The following EYA4 variants were observed in gnomAD, a reference collection of about 807,000 sequenced individuals.
EYA4 encodes protein phosphatase EYA4.
In EYA4, 31 loss-of-function variants were observed where a neutral mutation model predicts 87.9. The ratio of observed to expected loss-of-function variants is 0.35; its 90% CI spans 0.27 to 0.48. The LOEUF (loss-of-function observed/expected upper bound fraction) is 0.48. Ranked by LOEUF, EYA4 falls within the 20% of genes least tolerant of loss-of-function variation. The probability of loss-of-function intolerance (pLI) is 0.99; values close to 1 mark genes in which losing one functional copy is unlikely to be tolerated. For missense variants in EYA4, 678 were observed against 761.4 expected (o/e 0.89, Z 1.29); for synonymous variants, 263 against 270.6 (o/e 0.97, Z 0.28).
At chr6:133,440,538 A>G (rs1446244273) in intron 3 of EYA4, among the ~76,000 whole-genome samples, 3 of 152,230 alleles carry the variant, frequency 2.0e-5, no homozygotes, top group African/African-American at 7.2e-5. Context: ...GAAGGTAAAA[A>G]TAATATAACA....
At chr6:133,515,579 C>A in intron 17 of EYA4, 144 bp downstream of exon 17, 1 of 652,270 alleles carries the variant, frequency 1.5e-6, no homozygotes, top group South Asian at 1.6e-5. Context: ...TTTTCAATTT[C>A]AGTGCATGTG....
At chr6:133,385,066 G>A (rs1422198743) in intron 3 of EYA4, among the ~76,000 whole-genome samples, 7 of 151,870 alleles carry the variant, frequency 4.6e-5, no homozygotes, top group South Asian at 2.1e-4. Flanking sequence ...TTGGGAGGCC[G>A]AGGCGGGCAG....
At chr6:133,298,966 C>T (rs1048399075) in intron 2 of EYA4, among the ~76,000 whole-genome samples, 11 of 152,160 alleles carry the variant, frequency 7.2e-5, no homozygotes, top group Non-Finnish European at 1.5e-4. Context: ...GAGTCTCTGC[C>T]TTGAAGAAGC....
intron 3 of EYA4, among the ~76,000 whole-genome samples, chr6:133,396,072 T>A (rs1787769725): frequency 6.6e-6 from 1 of 152,198 alleles, no homozygotes; most frequent in South Asian, 2.1e-4. Flanking sequence ...ACCATGGGCA[T>A]TGCACTTTTA....
chr6:133,511,602 C>T (rs770333555), intron 14 of EYA4: 6 of 151,984 alleles, frequency 3.9e-5, no homozygotes, highest in Non-Finnish European at 8.8e-5. Flanking sequence ...TGGACTAAGA[C>T]TCAGAACAGC....
chr6:133,275,783 C>A (rs1429579801), intron 2 of EYA4, among the ~76,000 whole-genome samples: 1 of 151,864 alleles, frequency 6.6e-6, no homozygotes, highest in Non-Finnish European at 1.5e-5. Context: ...GATAGCCATG[C>A]CTTTAATTTG....
chr6:133,344,959 C>G (rs1783082727), intron 2 of EYA4, among the ~76,000 whole-genome samples: 1 of 152,102 alleles, frequency 6.6e-6, no homozygotes, highest in African/African-American at 2.4e-5. Context: ...TTTCTTCTCT[C>G]TACTTAATAG....
Position 133,468,585 on chromosome 6 carries a change from C to G in EYA4, c.824C>G (p.Ala275Gly), listed in dbSNP as rs748654006. The change falls in exon 11 of 20, where the codon GCC becomes GGC. Residue 275 changes from alanine (A) to glycine (G), a missense_variant. Transcript: ENST00000355286. Reference protein sequence around the residue: ...GSQQDYPSYTAFGQNQYAQYY... With the variant: ...GSQQDYPSYTGFGQNQYAQYY... ...TTTCAGGATTATCCATCCTATACAG[C>G]CTTTGGCCAAAACCAGTATGCACAG... The G allele has an allele frequency of 1.1e-5, 17 of 1,611,578 alleles. No individual in the cohort carries two copies. Among genetic ancestry groups the G allele is most frequent in the Non-Finnish European group, 1.4e-5 (17 of 1,178,174 alleles).
At chr6:133,511,475 TTA>T (rs200009228) in intron 14 of EYA4, among the ~76,000 whole-genome samples, 4,187 of 151,204 alleles carry the variant, frequency 0.028, 183 homozygotes, top group African/African-American at 0.095. Context: ...TATAAATAAT[TTA>T]TTTTTATTTA....
chr6:133,426,805 A>C (rs1201341641), intron 3 of EYA4, among the ~76,000 whole-genome samples: 1 of 152,116 alleles, frequency 6.6e-6, no homozygotes, highest in Non-Finnish European at 1.5e-5. Context: ...AATTCTACTG[A>C]CTATTTATGC....
chr6:133,486,135 A>AT (rs922143629), intron 13 of EYA4, among the ~76,000 whole-genome samples: 3 of 152,020 alleles, frequency 2.0e-5, no homozygotes, highest in South Asian at 2.1e-4. Flanking sequence ...TTTAGGCTAT[A>AT]TTTTTTTTAA....
intron 1 of EYA4, among the ~76,000 whole-genome samples, chr6:133,262,562 AAC>A (rs1219988746): frequency 2.0e-5 from 3 of 152,210 alleles, no homozygotes; most frequent in Non-Finnish European, 4.4e-5. Context: ...CCAATTAGCA[AAC>A]ACAGACAAAA....
At chr6:133,458,738 C>A (rs6940775) in intron 6 of EYA4, among the ~76,000 whole-genome samples, 8,566 of 152,174 alleles carry the variant, frequency 0.056, 721 homozygotes, top group African/African-American at 0.18. Flanking sequence ...CACCCCCACC[C>A]ACTTCTCATC....
chr6:133,293,126 T>G (rs1259348916), intron 2 of EYA4, among the ~76,000 whole-genome samples: 1 of 152,228 alleles, frequency 6.6e-6, no homozygotes, highest in Non-Finnish European at 1.5e-5. Context: ...TTCTCTTCTT[T>G]GTCTTCAGCA....
chr6:133,493,530 A>G (rs1449532376), intron 13 of EYA4, among the ~76,000 whole-genome samples: 1 of 152,180 alleles, frequency 6.6e-6, no homozygotes, highest in Non-Finnish European at 1.5e-5. Flanking sequence ...AGGACATTGG[A>G]CTAGGGAAAG....
At chr6:133,469,326 T>C (rs1795128201) in intron 11 of EYA4, among the ~76,000 whole-genome samples, 1 of 152,054 alleles carries the variant, frequency 6.6e-6, no homozygotes, top group African/African-American at 2.4e-5. Flanking sequence ...CTAAGAAAAG[T>C]TCCAGGACTT....
chr6:133,329,573 T>G (rs1781762419), intron 2 of EYA4, among the ~76,000 whole-genome samples: 1 of 152,114 alleles, frequency 6.6e-6, no homozygotes, highest in African/African-American at 2.4e-5. Context: ...TCATTATTGG[T>G]TGAATAATTA....
intron 1 of EYA4, among the ~76,000 whole-genome samples, chr6:133,273,118 A>ATATATATATATATAT: frequency 7.8e-6 from 1 of 128,092 alleles, no homozygotes; most frequent in African/African-American, 3.7e-5. Flanking sequence ...TATATATATA[A>ATATATATATATATAT]AGGGAAGTTT....
At chr6:133,379,789 G>C (rs1786024044) in intron 2 of EYA4, among the ~76,000 whole-genome samples, 2 of 152,160 alleles carry the variant, frequency 1.3e-5, no homozygotes, top group African/African-American at 4.8e-5. Flanking sequence ...TGCCTTCATG[G>C]AACTTCTACT....
Sources: gnomAD v4.1 joint callset for allele counts (sites outside exome capture counted in the v4.1 genomes callset) on GRCh38, gnomAD v4.1.1 for gene constraint, MANE v1.5 for transcripts, NCBI Gene and HGNC (gene_info 2026-07-23, HGNC 2026-07-21) for gene names.